The following KANK1 variants were observed in gnomAD, a reference collection of about 807,000 sequenced individuals.
KANK1 encodes the protein KN motif and ankyrin repeat domain-containing protein 1.
In KANK1, 109 loss-of-function variants were observed where a neutral mutation model predicts 106.2. The ratio of observed to expected loss-of-function variants is 1.03; its 90% CI spans 0.88 to 1.20. The LOEUF (loss-of-function observed/expected upper bound fraction) is 1.20, where lower values mean the gene tolerates loss of function less well. Among genes scored for constraint, KANK1 ranks in the 50% most tolerant of loss-of-function variants. KANK1 has a pLI of 0.00. For synonymous variants in KANK1, 873 were observed against 652.2 expected (o/e 1.34, Z -5.16); for missense variants, 2,399 against 1,710.7 (o/e 1.40, Z -7.10).
chr9:695,448 C>T (rs1295620535), intron 2 of KANK1, among the ~76,000 whole-genome samples: 1 of 125,090 alleles, frequency 8.0e-6, no homozygotes, highest in Admixed American at 8.9e-5. Context: ...ACATACCACT[C>T]TGCCCAAGCA....
At chr9:583,225 G>A (rs1822612984) in intron 1 of KANK1, among the ~76,000 whole-genome samples, 1 of 152,072 alleles carries the variant, frequency 6.6e-6, no homozygotes, top group Non-Finnish European at 1.5e-5. Context: ...GAGCTTATTT[G>A]TAAAAATTAA....
At chr9:691,102 C>T (rs1819799833) in intron 2 of KANK1, among the ~76,000 whole-genome samples, 1 of 152,134 alleles carries the variant, frequency 6.6e-6, no homozygotes, top group Non-Finnish European at 1.5e-5. Context: ...GTTTCCCTTC[C>T]CAACCCTTGT....
rs544377681 is a variant in KANK1 at position 552,269 on chromosome 9, G to A, written c.-84+47515G>A. Among the ~76,000 whole-genome samples, 4 of 152,262 alleles carry A rather than the reference G, an allele frequency of 2.6e-5. No individual in the cohort carries two copies. The South Asian group carries it at 8.3e-4, about 32-fold the overall frequency. On this transcript the variant is annotated intron_variant, in intron 1 of 11. Transcript: ENST00000382297. The stretch of plus-strand genomic sequence containing the variant: ...GCCTGCTTGTGTGATTACTGTGGGA[G>A]AATGAACAGGAAGAAGACGAAAGTA...
intron 1 of KANK1, among the ~76,000 whole-genome samples, chr9:524,174 C>T (rs1390157490): frequency 6.6e-6 from 1 of 151,810 alleles, no homozygotes; most frequent in Non-Finnish European, 1.5e-5. Flanking sequence ...ACCAGGATGC[C>T]AGGAACTAAG....
intron 1 of KANK1, among the ~76,000 whole-genome samples, chr9:672,585 G>C (rs553455602): frequency 3.8e-4 from 58 of 152,280 alleles, no homozygotes; most frequent in Admixed American, 1.2e-3. Context: ...TTCTAACTGA[G>C]ATAGTGGCAT....
In KANK1 at chr9:609,364, A is replaced by C. The variant is rs1438104391; in HGVS notation, c.-83-67526A>C. Among the ~76,000 whole-genome samples, 4 of 152,330 alleles carry C rather than the reference A, an allele frequency of 2.6e-5. No homozygotes were observed. In the East Asian group the frequency reaches 5.8e-4, roughly 22 times the overall value. On this transcript the variant is annotated intron_variant, in intron 1 of 11. Transcript: ENST00000382297. ...ATCAATAGGCTGGGCATCGTGGCTC[A>C]CGCCTGTAATCCCAGCACTTTGGGA...
At chr9:595,513 A>AT (rs1825996722) in intron 1 of KANK1, among the ~76,000 whole-genome samples, 1 of 151,596 alleles carries the variant, frequency 6.6e-6, no homozygotes, top group African/African-American at 2.4e-5. Context: ...ATACATAAGA[A>AT]TTTTTTTCTT....
chr9:613,989 G>A (rs1214690925), intron 1 of KANK1, among the ~76,000 whole-genome samples: 1 of 152,128 alleles, frequency 6.6e-6, no homozygotes, highest in African/African-American at 2.4e-5. Context: ...TTGAGGCCGG[G>A]AAGAAGGCGC....
At position 712,283 on chromosome 9, in the gene KANK1, T is replaced by C. The variant is rs115415837; in HGVS notation, c.1517T>C (p.Met506Thr). 6.0e-4 allele frequency: 967 copies of C among 1,614,186 alleles called. 3 individuals carry two copies. The African/African-American group carries it at 8.9e-3, about 15-fold the overall frequency. ...GSRKKVDKATMAQPLVFSKVV... is the reference protein window; with the variant it reads ...GSRKKVDKATTAQPLVFSKVV... ...AGGAAAAAGGTTGACAAAGCCACGA[T>C]GGCCCAGCCGCTTGTTTTCAGTAAG... is the stretch of plus-strand genomic sequence containing the variant. The change falls in exon 3 of 12, where the codon ATG becomes ACG. Residue 506 changes from methionine (M) to threonine (T), a missense_variant. Coordinates refer to ENST00000382297, the MANE Select transcript of KANK1 (RefSeq NM_015158.5).
intron 1 of KANK1, among the ~76,000 whole-genome samples, chr9:591,610 G>A (rs16920641): frequency 0.036 from 5,505 of 151,658 alleles, 405 homozygotes; most frequent in East Asian, 0.23. Context: ...CTTTGCTTGG[G>A]AAATGTGTGC....
intron 2 of KANK1, among the ~76,000 whole-genome samples, chr9:679,184 G>C (rs4742227): frequency 0.18 from 27,730 of 152,042 alleles, 2,972 homozygotes; most frequent in East Asian, 0.32. Flanking sequence ...ACTGCAGACA[G>C]TTATCTGGAC....
intron 1 of KANK1, among the ~76,000 whole-genome samples, chr9:663,461 A>G (rs762998213): frequency 6.6e-6 from 1 of 152,228 alleles, no homozygotes; most frequent in Admixed American, 6.5e-5. Context: ...TAATGTACCT[A>G]TACCGAGTCA....
upstream of KANK1, among the ~76,000 whole-genome samples, chr9:504,023 G>T (rs1194000375): frequency 2.0e-5 from 3 of 152,190 alleles, no homozygotes; most frequent in East Asian, 5.8e-4. Context: ...GCCCTTGGAG[G>T]CGGGAGGTTT....
chr9:510,616 G>A (rs986680258), intron 1 of KANK1, among the ~76,000 whole-genome samples: 2 of 152,186 alleles, frequency 1.3e-5, no homozygotes, highest in Non-Finnish European at 2.9e-5. Context: ...CGGTGCATAG[G>A]GAGAGCCCCG....
chr9:493,176 T>C (rs1337005036), intron 3 of KANK1, among the ~76,000 whole-genome samples: 3 of 150,460 alleles, frequency 2.0e-5, no homozygotes, highest in African/African-American at 7.3e-5. Context: ...AGTGATGGTA[T>C]GTCACTTCTG....
At chr9:602,447 A>G (rs1384103451) in intron 1 of KANK1, among the ~76,000 whole-genome samples, 1 of 151,398 alleles carries the variant, frequency 6.6e-6, no homozygotes, top group African/African-American at 2.4e-5. Flanking sequence ...TTTAGTAGAG[A>G]TGTGGTTTCA....
chr9:668,866 C>A (rs1018607113), intron 1 of KANK1, among the ~76,000 whole-genome samples: 6 of 152,022 alleles, frequency 3.9e-5, no homozygotes, highest in African/African-American at 1.5e-4. Flanking sequence ...TCATAAGGAA[C>A]GCTCAACCTA....
intron 1 of KANK1, among the ~76,000 whole-genome samples, chr9:645,646 C>G (rs1422289222): frequency 6.7e-6 from 1 of 150,220 alleles, no homozygotes; most frequent in Non-Finnish European, 1.5e-5. Flanking sequence ...CTTTGTGAGG[C>G]CAAGGTGGGC....
In KANK1 at chr9:639,568, C is replaced by T. The variant is rs760854744; in HGVS notation, c.-83-37322C>T. Among the ~76,000 whole-genome samples the T allele has an allele frequency of 3.4e-4, 52 of 152,222 alleles. 1 individual carries two copies. Among genetic ancestry groups the T allele is most frequent in the Non-Finnish European group, 5.3e-4 (36 of 68,006 alleles). On this transcript the variant is annotated intron_variant, in intron 1 of 11. Coordinates refer to ENST00000382297, the MANE Select transcript of KANK1 (RefSeq NM_015158.5). ...CTGGCCTCAAGTCTTCTGCCCACCT[C>T]GGCCTCCCAAAGTTCTGGGATTACA... is the stretch of plus-strand genomic sequence containing the variant.
Sources: gnomAD v4.1 joint callset for allele counts (sites outside exome capture counted in the v4.1 genomes callset) on GRCh38, gnomAD v4.1.1 for gene constraint, MANE v1.5 for transcripts, NCBI Gene and HGNC (gene_info 2026-07-23, HGNC 2026-07-21) for gene names.